Variants in SOX5 observed in about 807,000 individuals in gnomAD.
SOX5 encodes SRY-box transcription factor 5.
Under a neutral mutation model 92.0 loss-of-function variants are expected in SOX5, and 9 were observed. That is an observed-to-expected ratio of 0.10 (90% CI 0.06 to 0.17). The LOEUF (loss-of-function observed/expected upper bound fraction) is 0.17. Among genes scored for constraint, SOX5 ranks in the 10% least tolerant of loss-of-function variants. The probability of loss-of-function intolerance (pLI) is 1.00; values close to 1 mark genes in which losing one functional copy is unlikely to be tolerated. For synonymous variants in SOX5, 344 were observed against 336.3 expected (o/e 1.02, Z -0.25); for missense variants, 642 against 944.5 (o/e 0.68, Z 4.20).
chr12:23,869,821 T>A (rs566757222), intron 2 of SOX5, among the ~76,000 whole-genome samples: 15 of 152,128 alleles, frequency 9.9e-5, no homozygotes, highest in Non-Finnish European at 2.1e-4. Context: ...TTCCCCCATA[T>A]ACTCCCATGA....
intron 3 of SOX5, among the ~76,000 whole-genome samples, chr12:23,830,321 G>A (rs2096295284): frequency 6.6e-6 from 1 of 152,112 alleles, no homozygotes; most frequent in East Asian, 1.9e-4. Context: ...TGAAAAGGGT[G>A]CCTGGAGGTT....
chr12:24,327,051 A>G (rs1243793226), intron 2 of SOX5, among the ~76,000 whole-genome samples: 1 of 152,186 alleles, frequency 6.6e-6, no homozygotes, highest in Non-Finnish European at 1.5e-5. Context: ...AATAAATTTC[A>G]CAATGGCATA....
intron 3 of SOX5, among the ~76,000 whole-genome samples, chr12:23,830,214 C>T (rs1342281176): frequency 6.6e-6 from 1 of 152,134 alleles, no homozygotes; most frequent in Admixed American, 6.6e-5. Context: ...ATAGGCTCTA[C>T]AGCATTTGAG....
chr12:23,850,696 T>C (rs1204102432), intron 2 of SOX5, among the ~76,000 whole-genome samples: 1 of 152,114 alleles, frequency 6.6e-6, no homozygotes, highest in Non-Finnish European at 1.5e-5. Flanking sequence ...AAGAGCTCTT[T>C]CAATTATTTC....
At chr12:24,384,616 G>A (rs1958182876) in intron 1 of SOX5, among the ~76,000 whole-genome samples, 1 of 152,186 alleles carries the variant, frequency 6.6e-6, no homozygotes, top group Admixed American at 6.5e-5. Flanking sequence ...AAATTGCAAA[G>A]AAGGAAAATG....
At chr12:24,176,988 T>G (rs1281981023) in intron 4 of SOX5, among the ~76,000 whole-genome samples, 1 of 151,702 alleles carries the variant, frequency 6.6e-6, no homozygotes, top group Non-Finnish European at 1.5e-5. Flanking sequence ...TTTTTTTTTT[T>G]TTTTTTTGTC....
intron 4 of SOX5, among the ~76,000 whole-genome samples, chr12:23,747,520 C>T (rs75806663): frequency 0.061 from 9,254 of 152,162 alleles, 313 homozygotes; most frequent in South Asian, 0.09. Context: ...TATCTCTTCC[C>T]GTTTTCTCTT....
intron 1 of SOX5, among the ~76,000 whole-genome samples, chr12:24,454,671 C>G (rs1262663973): frequency 1.3e-5 from 2 of 152,186 alleles, no homozygotes; most frequent in Non-Finnish European, 2.9e-5. Context: ...CTTCAATGCA[C>G]TGTCATTCTG....
At chr12:24,175,818 G>A (rs1954746177) in intron 4 of SOX5, among the ~76,000 whole-genome samples, 1 of 151,984 alleles carries the variant, frequency 6.6e-6, no homozygotes, top group South Asian at 2.1e-4. Flanking sequence ...ATTATCTCCT[G>A]ACTGTACTAA....
intron 1 of SOX5, among the ~76,000 whole-genome samples, chr12:23,934,252 A>G (rs984582473): frequency 2.0e-5 from 3 of 151,216 alleles, no homozygotes; most frequent in Non-Finnish European, 3.0e-5. Context: ...ATAAACATAA[A>G]CTTCATTATG....
chr12:23,551,086 T>C (rs569064072), intron 11 of SOX5, among the ~76,000 whole-genome samples: 5 of 151,944 alleles, frequency 3.3e-5, no homozygotes, highest in Non-Finnish European at 5.9e-5. Context: ...CACAAAGCTA[T>C]AAAAGTCATA....
intron 2 of SOX5, among the ~76,000 whole-genome samples, chr12:24,304,746 T>A (rs1948382275): frequency 6.6e-6 from 1 of 152,186 alleles, no homozygotes; most frequent in South Asian, 2.1e-4. Flanking sequence ...TGTCCTCCTG[T>A]CAAGCCTGCT....
Position 24,360,724 on chromosome 12 carries a change from A to G in SOX5, c.-174+7839T>C, listed in dbSNP as rs147267361. On this transcript the variant is annotated intron_variant, in intron 2 of 4. Transcript: ENST00000446891. ...AGAGGCTTTTAAAGTGAGCTGTTCTAAAAACTGGATATATGTATCCCTGGG... is the reference window on the plus strand; with the variant it reads ...AGAGGCTTTTAAAGTGAGCTGTTCTGAAAACTGGATATATGTATCCCTGGG... Among the ~76,000 whole-genome samples the G allele has an allele frequency of 1.3e-4, 20 of 152,294 alleles. No individual in the cohort carries two copies. The East Asian group carries it at 3.9e-3, about 29-fold the overall frequency.
intron 4 of SOX5, among the ~76,000 whole-genome samples, chr12:24,206,221 C>A (rs1263039633): frequency 3.3e-5 from 5 of 152,158 alleles, no homozygotes; most frequent in African/African-American, 9.7e-5. Flanking sequence ...AAGAAAATTA[C>A]CTGTAATACA....
chr12:24,292,150 A>C (rs1424466316), intron 2 of SOX5, among the ~76,000 whole-genome samples: 1 of 152,242 alleles, frequency 6.6e-6, no homozygotes, highest in Non-Finnish European at 1.5e-5. Flanking sequence ...AGTTGTTTCT[A>C]GTTCTTACCT....
chr12:24,537,310 C>G (rs538837220), intron 1 of SOX5, among the ~76,000 whole-genome samples: 1 of 152,278 alleles, frequency 6.6e-6, no homozygotes, highest in East Asian at 1.9e-4. Flanking sequence ...TGGATCCTAG[C>G]CAAATTTCAT....
chr12:24,053,469 G>C (rs984760696), intron 4 of SOX5, among the ~76,000 whole-genome samples: 6 of 152,032 alleles, frequency 3.9e-5, no homozygotes, highest in African/African-American at 1.2e-4. Context: ...CTCTCTTAAA[G>C]AAAATGTAAA....
chr12:24,114,403 C>T (rs1474192688), intron 4 of SOX5, among the ~76,000 whole-genome samples: 1 of 150,572 alleles, frequency 6.6e-6, no homozygotes, highest in Non-Finnish European at 1.5e-5. Context: ...ATGGTGAAAC[C>T]CCATCTCTTC....
At chr12:24,546,981 T>C (rs1214453457) in intron 1 of SOX5, among the ~76,000 whole-genome samples, 1 of 152,026 alleles carries the variant, frequency 6.6e-6, no homozygotes, top group African/African-American at 2.4e-5. Flanking sequence ...GTCAAAGTAA[T>C]CAGTATATAA....
Sources: allele counts gnomAD v4.1 joint callset (sites outside exome capture counted in the v4.1 genomes callset), GRCh38; gene constraint gnomAD v4.1.1; transcripts MANE v1.5; gene names NCBI Gene and HGNC (gene_info 2026-07-23, HGNC 2026-07-21).